The following TENM3 variants were observed in gnomAD, a reference collection of about 807,000 sequenced individuals.
TENM3 encodes the protein teneurin transmembrane protein 3.
TENM3 carries 63 observed loss-of-function variants against 255.1 expected under a neutral mutation model. The observed-to-expected ratio is 0.25, with a 90% CI of 0.20 to 0.30. TENM3 has a LOEUF of 0.30. TENM3 is among the 10% of genes least tolerant of loss of function. The pLI, the probability that TENM3 is intolerant of heterozygous loss-of-function variation, is 1.00. For synonymous variants in TENM3, 1,306 were observed against 1,322.3 expected (o/e 0.99, Z 0.27); for missense variants, 2,929 against 3,461.1 (o/e 0.85, Z 3.86).
At chr4:182,361,275 A>T (rs1325031193) in intron 3 of TENM3, among the ~76,000 whole-genome samples, 2 of 152,058 alleles carry the variant, frequency 1.3e-5, no homozygotes, top group African/African-American at 4.8e-5. Context: ...CTGCCTTGCT[A>T]GATTGGGGAA....
At chr4:181,691,110 G>A in the TENM3 span, among the ~76,000 whole-genome samples, 1 of 152,032 alleles carries the variant, frequency 6.6e-6, no homozygotes, top group Non-Finnish European at 1.5e-5. Flanking sequence ...ATTGTTATTA[G>A]CAGAAAAATT....
At position 182,155,485 on chromosome 4, in the gene TENM3, T is replaced by C. The variant is rs183141042; in HGVS notation, c.-76+10731T>C. ...ACTAAAATTATTTTCTGTTCTTCAG[T>C]ATTTATAATAAGGAAACTATTTAAA... On this transcript the variant is annotated intron_variant, in intron 1 of 2. Transcript: ENST00000512480. 1.3e-4 allele frequency among the ~76,000 whole-genome samples: 20 copies of C among 152,266 alleles called. No individual in the cohort carries two copies. In the East Asian group the frequency reaches 3.9e-3, roughly 29 times the overall value.
At chr4:182,245,715 C>A (rs2150088637) in intron 1 of TENM3, among the ~76,000 whole-genome samples, 1 of 152,286 alleles carries the variant, frequency 6.6e-6, no homozygotes, top group East Asian at 1.9e-4. Flanking sequence ...AAAACTTCCT[C>A]TCTTCCAGGG....
chr4:181,778,639 T>C, the TENM3 span, among the ~76,000 whole-genome samples: 1 of 152,116 alleles, frequency 6.6e-6, no homozygotes, highest in African/African-American at 2.4e-5. Flanking sequence ...ATAAATCCTT[T>C]CTTCCCCTGC....
At chr4:182,351,707 A>G (rs984192735) in intron 3 of TENM3, among the ~76,000 whole-genome samples, 1 of 152,138 alleles carries the variant, frequency 6.6e-6, no homozygotes, top group African/African-American at 2.4e-5. Context: ...CATTGAGGAC[A>G]GTCTTTGCGA....
At chr4:182,769,150 C>T (rs898795376) in intron 22 of TENM3, among the ~76,000 whole-genome samples, 2 of 152,182 alleles carry the variant, frequency 1.3e-5, no homozygotes, top group Non-Finnish European at 1.5e-5. Context: ...AGAGGCATAT[C>T]TAGTTGTTGG....
the TENM3 span, among the ~76,000 whole-genome samples, chr4:181,936,716 G>A: frequency 6.6e-6 from 1 of 151,884 alleles, no homozygotes; most frequent in African/African-American, 2.4e-5. Flanking sequence ...TTATGGAAAC[G>A]AAGAGCAGAG....
the TENM3 span, among the ~76,000 whole-genome samples, chr4:181,664,851 G>A: frequency 0.015 from 2,241 of 152,302 alleles, 62 homozygotes; most frequent in African/African-American, 0.052. Context: ...CCCTGCAGGT[G>A]ATGAGTGCTG....
intron 1 of TENM3, among the ~76,000 whole-genome samples, chr4:182,306,073 G>A (rs567998699): frequency 1.3e-4 from 20 of 152,192 alleles, no homozygotes; most frequent in African/African-American, 4.8e-4. Context: ...TTCCCCTTCA[G>A]CACCAGGAAG....
the TENM3 span, among the ~76,000 whole-genome samples, chr4:182,043,743 A>T: frequency 6.6e-6 from 1 of 152,328 alleles, no homozygotes; most frequent in East Asian, 1.9e-4. Flanking sequence ...AATGTAATCA[A>T]CTGTGTGTTT....
At chr4:182,182,118 T>A (rs1163031980) in intron 1 of TENM3, among the ~76,000 whole-genome samples, 1 of 152,146 alleles carries the variant, frequency 6.6e-6, no homozygotes, top group Non-Finnish European at 1.5e-5. Flanking sequence ...ACTGGATGGT[T>A]GTATCCACCT....
intron 18 of TENM3, 138 bp from the exon 19 acceptor site, chr4:182,743,032 C>T: frequency 2.2e-6 from 2 of 893,492 alleles, no homozygotes; most frequent in Non-Finnish European, 3.3e-6. Context: ...CAATTCATTC[C>T]AATGGAGCTT....
chr4:181,889,411 A>G, the TENM3 span, among the ~76,000 whole-genome samples: 1 of 152,270 alleles, frequency 6.6e-6, no homozygotes, highest in East Asian at 1.9e-4. Context: ...CACCCTGCCC[A>G]TAGAGCCTGC....
At chr4:182,122,107 T>C in the TENM3 span, among the ~76,000 whole-genome samples, 2 of 152,258 alleles carry the variant, frequency 1.3e-5, no homozygotes, top group Admixed American at 6.5e-5. Flanking sequence ...AGTTTGATCA[T>C]GAGATTGCAG....
At chr4:181,745,903 C>T in the TENM3 span, among the ~76,000 whole-genome samples, 5 of 152,174 alleles carry the variant, frequency 3.3e-5, no homozygotes, top group Non-Finnish European at 4.4e-5. Flanking sequence ...GAGCTGTGCA[C>T]ATGCAGATAA....
the TENM3 span, among the ~76,000 whole-genome samples, chr4:181,636,075 T>G: frequency 6.6e-6 from 1 of 152,306 alleles, no homozygotes; most frequent in African/African-American, 2.4e-5. Flanking sequence ...TGAGACAGTT[T>G]CGCTCTGTCA....
At chr4:182,791,483 T>C (rs1044201276) in intron 25 of TENM3, among the ~76,000 whole-genome samples, 8 of 152,114 alleles carry the variant, frequency 5.3e-5, no homozygotes, top group Non-Finnish European at 7.3e-5. Flanking sequence ...TGAAATAGAG[T>C]TCACTTTTAA....
chr4:182,332,342 C>T (rs1561330882), intron 2 of TENM3, among the ~76,000 whole-genome samples: 2 of 152,100 alleles, frequency 1.3e-5, no homozygotes, highest in Non-Finnish European at 2.9e-5. Context: ...ATAGGGAAAA[C>T]ATTGTGAAGA....
the TENM3 span, among the ~76,000 whole-genome samples, chr4:181,640,312 G>T: frequency 6.6e-6 from 1 of 152,120 alleles, no homozygotes; most frequent in Non-Finnish European, 1.5e-5. Flanking sequence ...TGTAATAATG[G>T]ATCATGGCAC....
Sources: gnomAD v4.1 joint callset for allele counts (sites outside exome capture counted in the v4.1 genomes callset) on GRCh38, gnomAD v4.1.1 for gene constraint, MANE v1.5 for transcripts, NCBI Gene and HGNC (gene_info 2026-07-23, HGNC 2026-07-21) for gene names.